CLEC2D: variants seen among roughly 807,000 people sequenced by gnomAD.
CLEC2D encodes the protein C-type lectin related f.
A neutral mutation model predicts 20.0 loss-of-function variants in CLEC2D; 16 were observed. The observed-to-expected ratio is 0.80, with a 90% CI of 0.54 to 1.22. The LOEUF (loss-of-function observed/expected upper bound fraction) is 1.22, where lower values mean the gene tolerates loss of function less well. Among genes scored for constraint, CLEC2D ranks in the 50% most tolerant of loss-of-function variants. CLEC2D has a pLI of 0.00. For synonymous variants in CLEC2D, 77 were observed against 71.1 expected (o/e 1.08, Z -0.42); for missense variants, 207 against 221.5 (o/e 0.93, Z 0.42).
At chr12:9,683,386 G>A (rs1361245854) in intron 2 of CLEC2D, among the ~76,000 whole-genome samples, 3 of 110,006 alleles carry the variant, frequency 2.7e-5, no homozygotes, top group Admixed American at 1.1e-4. Flanking sequence ...ATTAGATCCC[G>A]CTTGTCAATT....
At position 9,697,591 on chromosome 12, in the gene CLEC2D, G is replaced by A. The variant is rs12815393; in HGVS notation, c.*2717G>A. The A allele has an allele frequency of 0.06, 9,049 of 152,068 alleles. 318 individuals carry two copies. Among genetic ancestry groups the A allele is most frequent in the Non-Finnish European group, 0.084 (5,737 of 67,994 alleles). The allele number at this position is 152,068 out of a possible 1,614,324, so 9.4% of individuals were successfully genotyped here. On this transcript the variant is annotated 3_prime_UTR_variant, in exon 5 of 5. Transcript: ENST00000290855. ...GGCGCTGCTGGGTTAGGATCTACCC[G>A]ACTGAGCTGGTCTCAGCACTGTTAT...
chr12:9,678,342 C>T (rs925968883), intron 1 of CLEC2D, among the ~76,000 whole-genome samples: 1 of 152,008 alleles, frequency 6.6e-6, no homozygotes, highest in Non-Finnish European at 1.5e-5. Context: ...TATTCATGAT[C>T]CATTTACTTT....
intron 2 of CLEC2D, among the ~76,000 whole-genome samples, chr12:9,685,909 A>G (rs1352987606): frequency 1.3e-5 from 2 of 151,008 alleles, no homozygotes; most frequent in African/African-American, 4.9e-5. Flanking sequence ...TATGAAAAAA[A>G]CTCCTGCAGT....
intron 2 of CLEC2D, among the ~76,000 whole-genome samples, 190 bp from the exon 3 acceptor site, chr12:9,687,712 A>G (rs1183021694): frequency 6.6e-6 from 1 of 152,202 alleles, no homozygotes; most frequent in African/African-American, 2.4e-5. Flanking sequence ...ATGAGTTTGA[A>G]TCTCAGTTTT....
rs1866040346 is a variant in CLEC2D at position 9,698,058 on chromosome 12, C to A, written c.*3184C>A. ...ACATTGGGAGATACATGATAAATTTCTATCTGCAGTTGCTATTTGCATTTT... is the reference window on the plus strand; with the variant it reads ...ACATTGGGAGATACATGATAAATTTATATCTGCAGTTGCTATTTGCATTTT... On this transcript the variant is annotated 3_prime_UTR_variant, in exon 5 of 5. Coordinates refer to ENST00000290855, the MANE Select transcript of CLEC2D (RefSeq NM_013269.6). The A allele has an allele frequency of 6.6e-6, 1 of 152,228 alleles. No homozygotes were observed. The highest frequency in any genetic ancestry group is 2.4e-5 in the African/African-American group (1 of 41,542). 9.4% of individuals were successfully genotyped at this position (152,228 alleles called of 1,614,324 possible). A position where few individuals can be genotyped will look rare whatever the true frequency, so the allele number is the denominator to read the frequency against.
At chr12:9,670,284 T>C (rs1042588384) in intron 1 of CLEC2D, among the ~76,000 whole-genome samples, 8 of 152,090 alleles carry the variant, frequency 5.3e-5, no homozygotes, top group East Asian at 1.9e-4. Context: ...ACTGGAAATA[T>C]ATATATATAT....
chr12:9,684,361 A>ACTTTCTTT (rs768892567), intron 2 of CLEC2D, among the ~76,000 whole-genome samples: 3 of 152,100 alleles, frequency 2.0e-5, no homozygotes, highest in East Asian at 1.9e-4. Context: ...TGTTGAATAC[A>ACTTTCTTT]CTTTCTTTCT....
intron 3 of CLEC2D, among the ~76,000 whole-genome samples, chr12:9,692,081 G>C (rs769617213): frequency 6.6e-5 from 10 of 152,188 alleles, no homozygotes; most frequent in African/African-American, 2.4e-4. Flanking sequence ...ACATTAGTTT[G>C]GTGTCTTTTC....
At chr12:9,675,520 C>T (rs1865505958) in intron 1 of CLEC2D, among the ~76,000 whole-genome samples, 2 of 152,278 alleles carry the variant, frequency 1.3e-5, no homozygotes, top group African/African-American at 2.4e-5. Flanking sequence ...TAACAAATAC[C>T]ACACTGTCTT....
chr12:9,681,807 A>G (rs572604019), intron 2 of CLEC2D, among the ~76,000 whole-genome samples: 1 of 152,214 alleles, frequency 6.6e-6, no homozygotes, highest in Non-Finnish European at 1.5e-5. Context: ...AATAATTTCT[A>G]TTCATTTGCA....
In CLEC2D at chr12:9,680,909, A is replaced by G. The variant is rs1865621162; in HGVS notation, c.62-14A>G. On this transcript the variant is annotated splice_polypyrimidine_tract_variant and intron_variant, in intron 1 of 4. Transcript: ENST00000290855. Reference sequence around the variant, plus strand: ...TATTTAATTGTTAAAATGTTTTTCAATAATTTTTTCCAGGTTGTCTGCATT... The same window carrying G: ...TATTTAATTGTTAAAATGTTTTTCAGTAATTTTTTCCAGGTTGTCTGCATT... 1.5e-6 allele frequency: 2 copies of G among 1,301,464 alleles called. No homozygotes were observed. The highest frequency in any genetic ancestry group is 1.2e-5 in the South Asian group (1 of 83,408). 80.6% of individuals were successfully genotyped at this position (1,301,464 alleles called of 1,614,324 possible). A position where few individuals can be genotyped will look rare whatever the true frequency, so the allele number is the denominator to read the frequency against.
In CLEC2D at chr12:9,697,470, A is replaced by T. The variant is rs1866024137; in HGVS notation, c.*2596A>T. On this transcript the variant is annotated 3_prime_UTR_variant, in exon 5 of 5. Coordinates refer to ENST00000290855, the MANE Select transcript of CLEC2D (RefSeq NM_013269.6). ...CTTGCTGTTAATAAATACATGGGTA[A>T]ATCTCTGTTCTGGGCTCTCAGCTCT... 1 of 152,132 alleles carries T rather than the reference A, an allele frequency of 6.6e-6. No homozygotes were observed. Among genetic ancestry groups the T allele is most frequent in the South Asian group, 2.1e-4 (1 of 4,826 alleles). The allele number at this position is 152,132 out of a possible 1,614,324, so 9.4% of individuals were successfully genotyped here. A position where few individuals can be genotyped will look rare whatever the true frequency, so the allele number is the denominator to read the frequency against.
chr12:9,671,328 A>G (rs1555106050), intron 1 of CLEC2D, among the ~76,000 whole-genome samples: 13 of 152,188 alleles, frequency 8.5e-5, no homozygotes, highest in South Asian at 2.1e-4. Context: ...GGTTCACGCC[A>G]TTCTGCCTCA....
intron 1 of CLEC2D, among the ~76,000 whole-genome samples, chr12:9,679,767 A>G (rs773795639): frequency 1.1e-4 from 16 of 152,196 alleles, no homozygotes; most frequent in Non-Finnish European, 2.2e-4. Context: ...TGTTGGGGGG[A>G]ATGTTGGAGA....
intron 1 of CLEC2D, among the ~76,000 whole-genome samples, chr12:9,672,079 C>T (rs188860791): frequency 4.9e-4 from 75 of 152,180 alleles, no homozygotes; most frequent in Admixed American, 2.1e-3. Flanking sequence ...TCTATTGGCT[C>T]ATAGTTCTGG....
rs769663048 is a variant in CLEC2D, at chr12:9,681,711, C to T, written c.172+678C>T. Among the ~76,000 whole-genome samples the T allele has an allele frequency of 9.8e-5, 15 of 152,322 alleles. No homozygotes were observed. The South Asian group carries it at 3.1e-3, about 32-fold the overall frequency. ...AAAATCTACCCCCTGTTACTACATT[C>T]TGAAGTAATTTCAGAGAGACCCTTC... On this transcript the variant is annotated intron_variant, in intron 2 of 4. Coordinates refer to ENST00000290855, the MANE Select transcript of CLEC2D (RefSeq NM_013269.6).
chr12:9,681,047 A>G lies in CLEC2D; in HGVS notation c.172+14A>G. On this transcript the variant is annotated intron_variant, in intron 2 of 4. Coordinates refer to ENST00000290855, the MANE Select transcript of CLEC2D (RefSeq NM_013269.6). ...CTGCTTTAAGCGGTAAGTGAACTGT[A>G]ATCTTTATTCATCTAGAGAGAATTA... The G allele has an allele frequency of 8.0e-7, 1 of 1,255,606 alleles. No individual in the cohort carries two copies. The highest frequency in any genetic ancestry group is 1.2e-6 in the Non-Finnish European group (1 of 859,760). 77.8% of individuals were successfully genotyped at this position (1,255,606 alleles called of 1,614,324 possible).
At chr12:9,683,321 TG>T (rs1213301935) in intron 2 of CLEC2D, among the ~76,000 whole-genome samples, 403 of 32,474 alleles carry the variant, frequency 0.012, 5 homozygotes, top group East Asian at 0.097. Flanking sequence ...GATGATAGTT[TG>T]TTTTTTGTGT....
In CLEC2D at chr12:9,669,729, G is replaced by A; in HGVS notation, c.-6G>A. On this transcript the variant is annotated 5_prime_UTR_variant, in exon 1 of 5. Transcript: ENST00000290855. ...GTTTAGATCACTCATAGAAACTGGA[G>A]GCAAAATGCATGACAGTAACAATGT... is the stretch of plus-strand genomic sequence containing the variant. The A allele has an allele frequency of 2.5e-6, 4 of 1,612,054 alleles. No individual in the cohort carries two copies. The highest frequency in any genetic ancestry group is 3.4e-6 in the Non-Finnish European group (4 of 1,178,276).
Sources: allele counts gnomAD v4.1 joint callset (sites outside exome capture counted in the v4.1 genomes callset), GRCh38; gene constraint gnomAD v4.1.1; transcripts MANE v1.5; gene names NCBI Gene and HGNC (gene_info 2026-07-23, HGNC 2026-07-21).